CAMSAP2: variants seen among roughly 807,000 people sequenced by gnomAD.
CAMSAP2 encodes calmodulin regulated spectrin associated protein family member 2, also known as calmodulin-regulated spectrin-associated protein 2.
CAMSAP2 carries 26 observed loss-of-function variants against 146.1 expected under a neutral mutation model. That is an observed-to-expected ratio of 0.18 (90% confidence interval 0.13 to 0.25). The LOEUF is 0.25. Ranked by LOEUF, CAMSAP2 falls within the 10% of genes least tolerant of loss-of-function variation. The probability of loss-of-function intolerance (pLI) is 1.00; values close to 1 mark genes in which losing one functional copy is unlikely to be tolerated. For synonymous variants in CAMSAP2, 499 were observed against 596.6 expected (o/e 0.84, Z 2.38); for missense variants, 1,381 against 1,759.3 (o/e 0.78, Z 3.85).
At chr1:200,797,235 G>A (rs1002047263) in intron 2 of CAMSAP2, among the ~76,000 whole-genome samples, 4 of 150,434 alleles carry the variant, frequency 2.7e-5, no homozygotes, top group African/African-American at 9.8e-5. Flanking sequence ...AGATCCCTGA[G>A]GAATCGCCAC....
intron 2 of CAMSAP2, among the ~76,000 whole-genome samples, chr1:200,763,554 A>G (rs961304111): frequency 6.6e-6 from 1 of 152,092 alleles, no homozygotes; most frequent in Admixed American, 6.6e-5. Context: ...AAAACCAACC[A>G]ACCAAAGAAC....
intron 1 of CAMSAP2, among the ~76,000 whole-genome samples, chr1:200,753,227 G>A (rs771308389): frequency 1.3e-4 from 19 of 150,982 alleles, no homozygotes; most frequent in Non-Finnish European, 2.2e-4. Context: ...GAACCTGGGA[G>A]GCAGAGGTTT....
chr1:200,775,628 C>G (rs921500898), intron 2 of CAMSAP2, among the ~76,000 whole-genome samples: 5 of 152,122 alleles, frequency 3.3e-5, no homozygotes, highest in African/African-American at 1.2e-4. Flanking sequence ...CTTCCAGGTT[C>G]AAGCAGTTTT....
chr1:200,817,189 CATGTGTGTGTGT>C (rs1666604795), intron 4 of CAMSAP2, among the ~76,000 whole-genome samples: 2 of 112,048 alleles, frequency 1.8e-5, no homozygotes, highest in African/African-American at 6.8e-5. Flanking sequence ...CACACACACA[CATGTGTGTGTGT>C]ATACACACAT....
Position 200,858,715 on chromosome 1 carries a change from G to C in CAMSAP2, c.*656G>C, listed in dbSNP as rs1279532238. ...AGTATTAACATTCTCTATTAAATAA[G>C]AGGAGGTGTTGTAAAGAGCTGCTAG... On this transcript the variant is annotated 3_prime_UTR_variant, in exon 17 of 17. Transcript: ENST00000358823. 2.0e-5 allele frequency: 3 copies of C among 152,630 alleles called. No homozygotes were observed. Among genetic ancestry groups the C allele is most frequent in the African/African-American group, 7.2e-5 (3 of 41,426 alleles). The allele number at this position is 152,630 out of a possible 1,614,324, so 9.5% of individuals were successfully genotyped here.
At chr1:200,777,319 C>T (rs1403429266) in intron 2 of CAMSAP2, among the ~76,000 whole-genome samples, 1 of 152,084 alleles carries the variant, frequency 6.6e-6, no homozygotes, top group Non-Finnish European at 1.5e-5. Context: ...TCCCCTTGAG[C>T]CAACTTTGTA....
intron 1 of CAMSAP2, among the ~76,000 whole-genome samples, chr1:200,744,038 T>A (rs1353871889): frequency 6.6e-6 from 1 of 152,228 alleles, no homozygotes; most frequent in Non-Finnish European, 1.5e-5. Context: ...ACACATACTG[T>A]ATCATTTAAA....
chr1:200,810,341 A>C (rs1666294864), intron 3 of CAMSAP2, among the ~76,000 whole-genome samples: 1 of 152,140 alleles, frequency 6.6e-6, no homozygotes. Context: ...GCACTTTGGG[A>C]GGCCCAGGCA....
At position 200,858,117 on chromosome 1, in the gene CAMSAP2, G is replaced by A. The variant is rs1442648944; in HGVS notation, c.*58G>A. 1 of 1,409,580 alleles carries A rather than the reference G, an allele frequency of 7.1e-7. No individual in the cohort carries two copies. Among genetic ancestry groups the A allele is most frequent in the Admixed American group, 2.4e-5 (1 of 41,196 alleles). 87.3% of individuals were successfully genotyped at this position (1,409,580 alleles called of 1,614,324 possible). ...GGTAAATTTGCACTTCATCTTTCCT[G>A]CCTATAGAAAATCTTTCTAATTGCC... On this transcript the variant is annotated 3_prime_UTR_variant, in exon 17 of 17. Transcript: ENST00000358823.
chr1:200,816,196 G>T (rs527509909), intron 4 of CAMSAP2, among the ~76,000 whole-genome samples: 1 of 152,114 alleles, frequency 6.6e-6, no homozygotes, highest in South Asian at 2.1e-4. Flanking sequence ...CAGGAGGCAG[G>T]AGAATCGCTT....
chr1:200,848,913 A>G lies in CAMSAP2; in HGVS notation c.2144A>G (p.Glu715Gly). 1 of 1,614,156 alleles carries G rather than the reference A, an allele frequency of 6.2e-7. No homozygotes were observed. The highest frequency in any genetic ancestry group is 8.5e-7 in the Non-Finnish European group (1 of 1,180,020). Residue 715 changes from glutamate (E) to glycine (G), a missense_variant, in exon 11 of 17, where the codon GAA becomes GGA. Glu to Gly is a moderately conservative substitution (Grantham distance 98). This residue lies in a region of CAMSAP2 where 447 missense variants were observed against 462.2 expected (regional missense o/e 0.97). Coordinates refer to ENST00000358823, the MANE Select transcript of CAMSAP2 (RefSeq NM_203459.4). ...SGSSSQKTTP[E>G]GSELNIPHVV... is the part of the protein sequence containing the mutation. Reference sequence around the variant, plus strand: ...AGCAGTTCTCAAAAAACTACACCAGAAGGCTCTGAACTTAATATTCCTCAT... The same window carrying G: ...AGCAGTTCTCAAAAAACTACACCAGGAGGCTCTGAACTTAATATTCCTCAT...
At chr1:200,796,527 C>A (rs1463209907) in intron 2 of CAMSAP2, among the ~76,000 whole-genome samples, 1 of 152,122 alleles carries the variant, frequency 6.6e-6, no homozygotes, top group East Asian at 1.9e-4. Flanking sequence ...TGATAGAGAT[C>A]ACATTACTTT....
chr1:200,796,837 A>G (rs1665897614), intron 2 of CAMSAP2, among the ~76,000 whole-genome samples: 1 of 151,144 alleles, frequency 6.6e-6, no homozygotes, highest in South Asian at 2.1e-4. Context: ...CCACCCCACA[A>G]CAGTCCCCAG....
chr1:200,783,580 T>C (rs553631824), intron 2 of CAMSAP2, among the ~76,000 whole-genome samples: 3 of 152,272 alleles, frequency 2.0e-5, no homozygotes, highest in Admixed American at 6.5e-5. Flanking sequence ...CTTCCTAGCC[T>C]CTATCAATCC....
chr1:200,817,212 A>G (rs1235360636), intron 4 of CAMSAP2, among the ~76,000 whole-genome samples: 1 of 87,664 alleles, frequency 1.1e-5, no homozygotes, highest in South Asian at 3.8e-4. Flanking sequence ...ATACACACAT[A>G]CACACATATG....
intron 7 of CAMSAP2, among the ~76,000 whole-genome samples, chr1:200,844,055 T>C (rs1181247167): frequency 6.6e-6 from 1 of 151,886 alleles, no homozygotes; most frequent in South Asian, 2.1e-4. Flanking sequence ...GTATTTTTAG[T>C]AGAGGTGGGG....
rs1667581719 is a variant in CAMSAP2 at position 200,850,247 on chromosome 1, T to C, written c.3465+13T>C. 2 of 1,542,978 alleles carry C rather than the reference T, an allele frequency of 1.3e-6. No individual in the cohort carries two copies. The highest frequency in any genetic ancestry group is 1.7e-6 in the Non-Finnish European group (2 of 1,149,192). Reference sequence around the variant, plus strand: ...ATTCTTTTTTAAGGTGTAGTATTAATCTGCATAGTTTTGGGCATCTTCATT... The same window carrying C: ...ATTCTTTTTTAAGGTGTAGTATTAACCTGCATAGTTTTGGGCATCTTCATT... On this transcript the variant is annotated intron_variant, in intron 11 of 16. Transcript: ENST00000358823.
intron 1 of CAMSAP2, among the ~76,000 whole-genome samples, chr1:200,747,340 G>A (rs868374467): frequency 1.3e-5 from 2 of 152,160 alleles, no homozygotes; most frequent in South Asian, 2.1e-4. Flanking sequence ...AGAACATTGA[G>A]GATGAAGGAA....
Position 200,854,816 on chromosome 1 carries a change from G to A in CAMSAP2, c.3824-1G>A. 6.2e-7 allele frequency: 1 copy of A among 1,607,656 alleles called. No homozygotes were observed. Among genetic ancestry groups the A allele is most frequent in the Non-Finnish European group, 8.5e-7 (1 of 1,177,424 alleles). On this transcript the variant is annotated splice_acceptor_variant, in intron 13 of 16. Coordinates refer to ENST00000358823, the MANE Select transcript of CAMSAP2 (RefSeq NM_203459.4). LOFTEE classifies it high-confidence loss of function. ...ATCATGAATTTATCGTGTTTTTTCA[G>A]TCTCTAGCCTTTCTTTGGCATCGCT...
Sources: gnomAD v4.1 joint callset for allele counts (sites outside exome capture counted in the v4.1 genomes callset) on GRCh38, gnomAD v4.1.1 for gene constraint, gnomAD v4.1.1 regional missense constraint, MANE v1.5 for transcripts, NCBI Gene and HGNC (gene_info 2026-07-23, HGNC 2026-07-21) for gene names.